The following CSMD1 variants were observed in gnomAD, a reference collection of about 807,000 sequenced individuals.
CSMD1 encodes the protein CUB and Sushi multiple domains 1, also known as CUB and sushi domain-containing protein 1.
Under a neutral mutation model 417.5 loss-of-function variants are expected in CSMD1, and 213 were observed. The observed-to-expected ratio is 0.51, with a 90% CI of 0.46 to 0.57. CSMD1 has a LOEUF of 0.57. CSMD1 is among the 20% of genes least tolerant of loss of function. The probability of loss-of-function intolerance (pLI) is 0.00; values close to 1 mark genes in which losing one functional copy is unlikely to be tolerated. For synonymous variants in CSMD1, 2,862 were observed against 1,736.8 expected (o/e 1.65, Z -16.11); for missense variants, 6,923 against 4,529.7 (o/e 1.53, Z -15.17).
At chr8:3,551,211 A>C (rs1342132862) in intron 10 of CSMD1, among the ~76,000 whole-genome samples, 1 of 152,214 alleles carries the variant, frequency 6.6e-6, no homozygotes, top group Non-Finnish European at 1.5e-5. Flanking sequence ...GAACATAATT[A>C]CTTAAAGTTT....
intron 23 of CSMD1, among the ~76,000 whole-genome samples, chr8:3,315,143 TAAGAA>T (rs1805653658): frequency 6.6e-6 from 1 of 152,244 alleles, no homozygotes; most frequent in Non-Finnish European, 1.5e-5. Context: ...AAAATCTCTT[TAAGAA>T]TGACTCTCAT....
At chr8:4,853,775 A>G (rs368554681) in intron 1 of CSMD1, among the ~76,000 whole-genome samples, 1 of 152,180 alleles carries the variant, frequency 6.6e-6, no homozygotes, top group African/African-American at 2.4e-5. Context: ...AGCACATGAA[A>G]GCAGCCACAC....
chr8:3,014,711 G>A (rs999463483), intron 52 of CSMD1, among the ~76,000 whole-genome samples: 27 of 152,114 alleles, frequency 1.8e-4, no homozygotes, highest in African/African-American at 6.5e-4. Context: ...CCAGGAGTTC[G>A]TGACCAGCCT....
chr8:3,442,688 T>C (rs1389338270), intron 12 of CSMD1, among the ~76,000 whole-genome samples: 1 of 152,236 alleles, frequency 6.6e-6, no homozygotes. Context: ...TCTCAGAACG[T>C]ATCCCTGTTG....
chr8:4,094,820 C>G (rs1479583377), intron 3 of CSMD1, among the ~76,000 whole-genome samples: 2 of 152,046 alleles, frequency 1.3e-5, no homozygotes, highest in East Asian at 1.9e-4. Context: ...GGAGCAAACG[C>G]TTATCAAGGA....
At chr8:3,214,733 T>C (rs1797793390) in intron 29 of CSMD1, 42 bp from the exon 30 acceptor site, 2 of 1,464,056 alleles carry the variant, frequency 1.4e-6, no homozygotes, top group South Asian at 2.7e-5. Flanking sequence ...AGCAGGGATC[T>C]TATTCTTGTT....
At chr8:4,055,138 C>A (rs955312648) in intron 3 of CSMD1, among the ~76,000 whole-genome samples, 1 of 152,138 alleles carries the variant, frequency 6.6e-6, no homozygotes, top group African/African-American at 2.4e-5. Context: ...GAAATATGGC[C>A]TACTTCAGAA....
At chr8:4,032,436 T>C (rs1447644433) in intron 3 of CSMD1, among the ~76,000 whole-genome samples, 1 of 152,118 alleles carries the variant, frequency 6.6e-6, no homozygotes, top group South Asian at 2.1e-4. Context: ...AGCAACCAGA[T>C]GTCAGTGTCA....
chr8:4,497,343 T>C (rs1407837863), intron 2 of CSMD1, among the ~76,000 whole-genome samples: 2 of 152,236 alleles, frequency 1.3e-5, no homozygotes, highest in African/African-American at 2.4e-5. Flanking sequence ...AATCTATTTA[T>C]ATAGCCACTG....
intron 3 of CSMD1, among the ~76,000 whole-genome samples, chr8:4,357,264 A>C (rs190661014): frequency 1.2e-4 from 18 of 152,286 alleles, no homozygotes; most frequent in African/African-American, 4.3e-4. Context: ...AGGGACTAAA[A>C]AGTAACCTTA....
At chr8:4,566,410 T>C (rs1197105122) in intron 2 of CSMD1, among the ~76,000 whole-genome samples, 1 of 151,888 alleles carries the variant, frequency 6.6e-6, no homozygotes, top group African/African-American at 2.4e-5. Flanking sequence ...TCCCATCACT[T>C]TGGGAGGCCG....
chr8:4,596,820 T>C (rs1376197383), intron 2 of CSMD1, among the ~76,000 whole-genome samples: 1 of 152,192 alleles, frequency 6.6e-6, no homozygotes, highest in Non-Finnish European at 1.5e-5. Context: ...CCACATATTG[T>C]GGGAGGGACC....
rs1230360135 is a variant in CSMD1, at chr8:3,223,959, G to C, written c.4346-92C>G. The stretch of plus-strand genomic sequence containing the variant: ...AAGGAGACACCACAGAATTCTTTAA[G>C]AAAAAGACATCAGCATTTTTACCAG... On this transcript the variant is annotated intron_variant, in intron 27 of 69. Transcript: ENST00000635120. 5 of 1,279,132 alleles carry C rather than the reference G, an allele frequency of 3.9e-6. No homozygotes were observed. In the African/African-American group the frequency reaches 6.0e-5, roughly 15 times the overall value. 79.2% of individuals were successfully genotyped at this position (1,279,132 alleles called of 1,614,324 possible). A position where few individuals can be genotyped will look rare whatever the true frequency, so the allele number is the denominator to read the frequency against.
intron 3 of CSMD1, among the ~76,000 whole-genome samples, chr8:4,040,783 G>C (rs1437992904): frequency 3.3e-5 from 5 of 152,258 alleles, no homozygotes; most frequent in East Asian, 1.9e-4. Flanking sequence ...TTGAAACCTA[G>C]AGACTAGATT....
intron 2 of CSMD1, among the ~76,000 whole-genome samples, chr8:4,565,568 C>G (rs1473278981): frequency 1.3e-5 from 2 of 151,670 alleles, no homozygotes; most frequent in Non-Finnish European, 2.9e-5. Context: ...AACCCTGTCT[C>G]TACAAAAAAT....
At chr8:4,195,444 G>C (rs1477956912) in intron 3 of CSMD1, among the ~76,000 whole-genome samples, 1 of 152,104 alleles carries the variant, frequency 6.6e-6, no homozygotes, top group African/African-American at 2.4e-5. Flanking sequence ...TAAAAAAGAC[G>C]AGTGTGGCAG....
intron 1 of CSMD1, among the ~76,000 whole-genome samples, chr8:4,707,928 AAG>A (rs1223537701): frequency 1.2e-4 from 14 of 112,824 alleles, no homozygotes; most frequent in African/African-American, 3.8e-4. Context: ...AAAAAAAAAA[AAG>A]AGGGGAAAGA....
At chr8:3,897,466 T>C (rs1807443697) in intron 5 of CSMD1, among the ~76,000 whole-genome samples, 2 of 152,174 alleles carry the variant, frequency 1.3e-5, no homozygotes, top group Admixed American at 6.5e-5. Flanking sequence ...CATGCATATA[T>C]AAACTAAATT....
intron 1 of CSMD1, among the ~76,000 whole-genome samples, chr8:4,963,869 T>C (rs1467614959): frequency 1.3e-5 from 2 of 152,158 alleles, no homozygotes; most frequent in Non-Finnish European, 2.9e-5. Flanking sequence ...CCTAAGCTCA[T>C]AGAAATACCT....
Sources: gnomAD v4.1 joint callset for allele counts (sites outside exome capture counted in the v4.1 genomes callset) on GRCh38, gnomAD v4.1.1 for gene constraint, MANE v1.5 for transcripts, NCBI Gene and HGNC (gene_info 2026-07-23, HGNC 2026-07-21) for gene names.